The following NEB variants were observed in gnomAD, a reference collection of about 807,000 sequenced individuals.
NEB encodes nemaline myopathy type 2.
NEB carries 512 observed loss-of-function variants against 952.2 expected under a neutral mutation model. The ratio of observed to expected loss-of-function variants is 0.54; its 90% CI spans 0.50 to 0.58. The LOEUF is 0.58. Ranked by LOEUF, NEB falls within the 20% of genes least tolerant of loss-of-function variation. NEB has a pLI of 0.00. For missense variants in NEB, 8,428 were observed against 9,231.1 expected, an observed-to-expected ratio of 0.91 and a Z score of 3.56; for synonymous variants, 2,900 against 3,149.8, an observed-to-expected ratio of 0.92 and a Z score of 2.66.
Position 151,565,082 on chromosome 2 carries a change from T to C in NEB, c.18433A>G (p.Ile6145Val), listed in dbSNP as rs1318636801. ...TTTCCCATGTCTTTGGAGTGGGAGATATGTGGTGTATCTGGTGAAAACGTA... is the reference window on the plus strand; with the variant it reads ...TTTCCCATGTCTTTGGAGTGGGAGACATGTGGTGTATCTGGTGAAAACGTA... ...KYTFSPDTPH[I>V]SHSKDMGKLY... The change falls in exon 117 of 182, where the codon ATC becomes GTC. Residue 6145 changes from isoleucine (I) to valine (V), a missense_variant. This residue lies in a region of NEB where 3,374 missense variants were observed against 3,651.5 expected (regional missense o/e 0.92). Coordinates refer to ENST00000397345, the MANE Select transcript of NEB (RefSeq NM_001164508.2). The C allele has an allele frequency of 1.3e-6, 2 of 1,598,288 alleles. No individual in the cohort carries two copies. Among genetic ancestry groups the C allele is most frequent in the Non-Finnish European group, 8.6e-7 (1 of 1,167,484 alleles).
intron 105 of NEB, among the ~76,000 whole-genome samples, chr2:151,576,694 T>C (rs1257051751): frequency 6.6e-6 from 1 of 150,538 alleles, no homozygotes. Flanking sequence ...ATGATGCCTG[T>C]CTAATTTTTG....
intron 3 of NEB, among the ~76,000 whole-genome samples, chr2:151,731,439 T>C (rs890378802): frequency 6.6e-6 from 1 of 152,190 alleles, no homozygotes; most frequent in Non-Finnish European, 1.5e-5. Flanking sequence ...CTTCTCTGTT[T>C]TCTGCATATT....
chr2:151,508,661 A>G (rs567259977), intron 161 of NEB, among the ~76,000 whole-genome samples: 2 of 152,352 alleles, frequency 1.3e-5, no homozygotes, highest in East Asian at 3.9e-4. Flanking sequence ...TTTCCAGAAT[A>G]TGGCTCTTGA....
At chr2:151,576,112 T>C in intron 106 of NEB, 39 bp downstream of exon 106, 1 of 1,432,792 alleles carries the variant, frequency 7.0e-7, no homozygotes, top group South Asian at 1.4e-5. Flanking sequence ...CATCTATTTA[T>C]GGCATTAATT....
At chr2:151,509,325 G>A (rs184290950) in intron 161 of NEB, among the ~76,000 whole-genome samples, 4,087 of 136,500 alleles carry the variant, frequency 0.03, 73 homozygotes, top group African/African-American at 0.048. Context: ...GTAGATGTAA[G>A]GAAAACAGTT....
chr2:151,534,375 A>T, intron 142 of NEB: 1 of 1,490,866 alleles, frequency 6.7e-7, no homozygotes, highest in East Asian at 2.3e-5. Flanking sequence ...GCTACACAAA[A>T]ATGTCTCAAG....
intron 106 of NEB, 133 bp downstream of exon 106, chr2:151,576,018 G>A: frequency 1.3e-6 from 1 of 769,356 alleles, no homozygotes; most frequent in South Asian, 2.2e-5. Context: ...AGCAAACCAA[G>A]ACAATACTGT....
rs750385058 is a variant in NEB, at chr2:151,646,213, C to T, written c.7453G>A (p.Asp2485Asn). The T allele has an allele frequency of 1.1e-5, 18 of 1,598,630 alleles. 1 individual carries two copies. The South Asian group carries it at 2.0e-4, about 18-fold the overall frequency. ...ATGTGGATCTGAGTCTTGTCTTTGTCCCAAGCTTCTCTATAAAGTCTCTAA... is the reference window on the plus strand; with the variant it reads ...ATGTGGATCTGAGTCTTGTCTTTGTTCCAAGCTTCTCTATAAAGTCTCTAA... ...RSDRLYREAW[D>N]KDKTQIHIMP... Residue 2485 changes from aspartate to asparagine, a missense_variant, in exon 55 of 182, where the codon GAC (aspartate) becomes AAC (asparagine). Asp to Asn is a conservative substitution (Grantham distance 23). This residue lies in a region of NEB where 1,772 missense variants were observed against 1,960.3 expected (regional missense o/e 0.90). Coordinates refer to ENST00000397345, the MANE Select transcript of NEB (RefSeq NM_001164508.2).
rs116352996 is a variant in NEB at position 151,523,792 on chromosome 2, A to C, written c.22479+519T>G. Among the ~76,000 whole-genome samples the C allele has an allele frequency of 2.8e-3, 432 of 152,352 alleles. 5 individuals are homozygous for C. Among genetic ancestry groups the C allele is most frequent in the African/African-American group, 9.5e-3 (396 of 41,580 alleles). Reference sequence around the variant, plus strand: ...GCATACCCTGATCAAACACTTGCCAAACAAAATTTTAATGATTTATCCATG... The same window carrying C: ...GCATACCCTGATCAAACACTTGCCACACAAAATTTTAATGATTTATCCATG... On this transcript the variant is annotated intron_variant, in intron 153 of 181. Transcript: ENST00000397345.
In NEB at chr2:151,630,758, G is replaced by T. The variant is rs1359895674; in HGVS notation, c.9680C>A (p.Pro3227Gln). ...GTTCTGCCTTGCCAACATAATCTCT[G>T]GTGTATCAGGCATTATGTGAATTTG... The part of the protein sequence containing the change: ...KTQIHIMPDT[P>Q]EIMLARQNKI... The change falls in exon 67 of 182, where the codon CCA (proline) becomes CAA (glutamine). Residue 3227 changes from proline to glutamine, a missense_variant. Pro to Gln is a moderately conservative substitution (Grantham distance 76). This residue lies in a region of NEB where 1,772 missense variants were observed against 1,960.3 expected (regional missense o/e 0.90). Coordinates refer to ENST00000397345, the MANE Select transcript of NEB (RefSeq NM_001164508.2). The T allele has an allele frequency of 1.9e-6, 3 of 1,611,350 alleles. No homozygotes were observed. Among genetic ancestry groups the T allele is most frequent in the Non-Finnish European group, 2.5e-6 (3 of 1,178,752 alleles).
chr2:151,549,660 C>T lies in NEB; in HGVS notation c.20025G>A (p.Lys6675=). The change falls in exon 130 of 182, where the codon AAG becomes AAA. Residue 6675 remains lysine (K), a synonymous_variant. Transcript: ENST00000397345. ...PGDTPHFKHI[K]DTRYMSSYFK... The stretch of plus-strand genomic sequence containing the variant: ...CATAACTGCTCATGTAACGGGTGTC[C>T]TTGATGTGTTTGAAGTGAGGAGTGT... 6.2e-7 allele frequency: 1 copy of T among 1,600,388 alleles called. No individual in the cohort carries two copies. Among genetic ancestry groups the T allele is most frequent in the Non-Finnish European group, 8.5e-7 (1 of 1,172,918 alleles).
chr2:151,615,721 A>G (rs1190559816), intron 76 of NEB, among the ~76,000 whole-genome samples: 2 of 152,154 alleles, frequency 1.3e-5, no homozygotes, highest in Non-Finnish European at 2.9e-5. Flanking sequence ...TTGAAGACGG[A>G]GTGTTCAATT....
intron 27 of NEB, 58 bp downstream of exon 27, chr2:151,687,361 T>G: frequency 7.0e-7 from 1 of 1,430,998 alleles, no homozygotes; most frequent in Non-Finnish European, 9.8e-7. Context: ...CTACTACCCT[T>G]GGGCATCGTA....
intron 32 of NEB, among the ~76,000 whole-genome samples, chr2:151,678,990 G>A (rs1048276774): frequency 6.6e-6 from 1 of 152,096 alleles, no homozygotes; most frequent in African/African-American, 2.4e-5. Context: ...CAAAAGGAAG[G>A]GGCTGTGTTT....
intron 84 of NEB, among the ~76,000 whole-genome samples, chr2:151,605,291 A>G (rs1380510519): frequency 7.7e-6 from 1 of 130,252 alleles, no homozygotes; most frequent in African/African-American, 2.5e-5. Context: ...TTATTAACAT[A>G]TATTCCAGAT....
chr2:151,684,699 A>C (rs2099476636), intron 28 of NEB, 79 bp downstream of exon 28: 1 of 1,351,482 alleles, frequency 7.4e-7, no homozygotes, highest in African/African-American at 1.5e-5. Context: ...TAAGAAGTGC[A>C]AAAACCTCAC....
intron 13 of NEB, among the ~76,000 whole-genome samples, chr2:151,700,058 ATC>A (rs1301898229): frequency 2.3e-5 from 2 of 86,440 alleles, no homozygotes; most frequent in African/African-American, 9.4e-5. Flanking sequence ...TAAGGAAGGG[ATC>A]CAGTTTCAGC....
chr2:151,707,053 C>G, intron 12 of NEB, 56 bp from the exon 13 acceptor site: 1 of 1,130,978 alleles, frequency 8.8e-7, no homozygotes. Context: ...TTGCCCCCGT[C>G]TCTATTATGA....
chr2:151,717,639 C>T, intron 9 of NEB, 119 bp from the exon 10 acceptor site: 1 of 729,884 alleles, frequency 1.4e-6, no homozygotes, highest in East Asian at 2.7e-5. Flanking sequence ...TACCATTGCT[C>T]TCAGTACTGC....
Sources: allele counts gnomAD v4.1 joint callset (sites outside exome capture counted in the v4.1 genomes callset), GRCh38; gene constraint gnomAD v4.1.1; regional missense constraint gnomAD v4.1.1; transcripts MANE v1.5; gene names NCBI Gene and HGNC (gene_info 2026-07-23, HGNC 2026-07-21).